Variants in NEDD4L observed in about 807,000 individuals in gnomAD.
The protein encoded by NEDD4L is E3 ubiquitin-protein ligase NEDD4-like.
In NEDD4L, 54 loss-of-function variants were observed where a neutral mutation model predicts 148.9. The ratio of observed to expected loss-of-function variants is 0.36; its 90% CI spans 0.29 to 0.45. The LOEUF is 0.45. Ranked by LOEUF, NEDD4L falls within the 20% of genes least tolerant of loss-of-function variation. The pLI, the probability that NEDD4L is intolerant of heterozygous loss-of-function variation, is 1.00. For synonymous variants in NEDD4L, 433 were observed against 440.7 expected, an observed-to-expected ratio of 0.98 and a Z score of 0.22; for missense variants, 856 against 1,233.8, an observed-to-expected ratio of 0.69 and a Z score of 4.59.
At chr18:58,311,341 A>G (rs368407125) in intron 5 of NEDD4L, among the ~76,000 whole-genome samples, 8 of 152,328 alleles carry the variant, frequency 5.3e-5, no homozygotes, top group East Asian at 3.9e-4. Flanking sequence ...ACCTTGATAC[A>G]TAGCTCCAGA....
At chr18:58,234,093 C>T (rs1457536544) in intron 2 of NEDD4L, among the ~76,000 whole-genome samples, 2 of 101,640 alleles carry the variant, frequency 2.0e-5, no homozygotes, top group African/African-American at 4.1e-5. Context: ...TTCTTTCTTT[C>T]TTTCTTTCTT....
intron 2 of NEDD4L, among the ~76,000 whole-genome samples, chr18:58,184,055 G>A (rs1358091889): frequency 6.6e-6 from 1 of 152,130 alleles, no homozygotes; most frequent in Non-Finnish European, 1.5e-5. Flanking sequence ...TGTAGTCCCA[G>A]CTACTCAGGA....
At chr18:58,372,484 T>C (rs2146315031) in intron 23 of NEDD4L, 1 of 152,304 alleles carries the variant, frequency 6.6e-6, no homozygotes, top group African/African-American at 2.4e-5. Flanking sequence ...CTTTATTTAT[T>C]TTTTATAGAG....
chr18:58,375,517 C>T (rs1411162396), intron 24 of NEDD4L, among the ~76,000 whole-genome samples: 1 of 152,168 alleles, frequency 6.6e-6, no homozygotes, highest in African/African-American at 2.4e-5. Flanking sequence ...TACCCTCTGA[C>T]ACCTCCTTCC....
intron 5 of NEDD4L, among the ~76,000 whole-genome samples, chr18:58,284,508 A>G (rs375139111): frequency 6.6e-6 from 1 of 152,314 alleles, no homozygotes; most frequent in Admixed American, 6.5e-5. Context: ...TTTGTGAGAC[A>G]AAAAGCTTTG....
chr18:58,343,180 T>C (rs946542865), intron 16 of NEDD4L, 77 bp downstream of exon 16: 7 of 1,384,830 alleles, frequency 5.1e-6, no homozygotes, highest in Non-Finnish European at 5.9e-6. Context: ...TTAGTGTTTG[T>C]AGTTCTTGCA....
intron 18 of NEDD4L, among the ~76,000 whole-genome samples, chr18:58,352,957 A>G (rs946487582): frequency 6.6e-6 from 1 of 152,208 alleles, no homozygotes; most frequent in Non-Finnish European, 1.5e-5. Flanking sequence ...AGTGAAAATC[A>G]CTGACTATTT....
At chr18:58,215,474 G>A (rs62094526) in intron 2 of NEDD4L, among the ~76,000 whole-genome samples, 4,242 of 152,122 alleles carry the variant, frequency 0.028, 94 homozygotes, top group Non-Finnish European at 0.038. Context: ...ATTTTTCATT[G>A]ATAAGAATTC....
intron 19 of NEDD4L, among the ~76,000 whole-genome samples, chr18:58,362,292 T>C (rs780558370): frequency 6.6e-6 from 1 of 151,890 alleles, no homozygotes. Context: ...TTTTCAGGAG[T>C]AGGGGGAACT....
chr18:58,233,924 A>G (rs1033120622), intron 2 of NEDD4L, among the ~76,000 whole-genome samples: 5 of 143,726 alleles, frequency 3.5e-5, no homozygotes, highest in Non-Finnish European at 7.5e-5. Context: ...TTCTCGTTGT[A>G]TCTTCACATC....
At chr18:58,072,872 G>GCGCGCACACA (rs1555682058) in intron 1 of NEDD4L, among the ~76,000 whole-genome samples, 1 of 131,558 alleles carries the variant, frequency 7.6e-6, no homozygotes, top group Non-Finnish European at 1.6e-5. Context: ...GCGCGCGCGC[G>GCGCGCACACA]CACACACACA....
intron 5 of NEDD4L, among the ~76,000 whole-genome samples, chr18:58,264,923 G>A (rs1017619630): frequency 2.6e-5 from 4 of 151,990 alleles, no homozygotes; most frequent in Admixed American, 2.0e-4. Context: ...CCTTCTTGAC[G>A]TTGGACATAT....
At chr18:58,106,285 G>C (rs1029679403) in intron 1 of NEDD4L, among the ~76,000 whole-genome samples, 24 of 152,246 alleles carry the variant, frequency 1.6e-4, no homozygotes, top group Non-Finnish European at 3.1e-4. Flanking sequence ...CTACTCTTAA[G>C]TCTTGCCCCT....
chr18:58,229,772 G>C (rs528507474), intron 2 of NEDD4L, among the ~76,000 whole-genome samples: 1 of 152,094 alleles, frequency 6.6e-6, no homozygotes, highest in African/African-American at 2.4e-5. Flanking sequence ...CGGGCGGATC[G>C]TGAGGTCAGG....
intron 5 of NEDD4L, among the ~76,000 whole-genome samples, chr18:58,267,018 T>C (rs899482225): frequency 6.6e-6 from 1 of 152,086 alleles, no homozygotes; most frequent in Non-Finnish European, 1.5e-5. Context: ...GTCTAAGGCA[T>C]TAGACTTTTT....
At chr18:58,365,800 C>T (rs375132477) in intron 20 of NEDD4L, among the ~76,000 whole-genome samples, 199 bp from the exon 21 acceptor site, 8 of 152,274 alleles carry the variant, frequency 5.3e-5, no homozygotes, top group African/African-American at 1.7e-4. Context: ...TAGTGGATGC[C>T]GTGTGTCCCA....
At chr18:58,260,047 C>G (rs1287004342) in intron 5 of NEDD4L, among the ~76,000 whole-genome samples, 1 of 152,062 alleles carries the variant, frequency 6.6e-6, no homozygotes, top group Non-Finnish European at 1.5e-5. Flanking sequence ...TATTAACCAC[C>G]CCTTTATTTT....
intron 10 of NEDD4L, among the ~76,000 whole-genome samples, chr18:58,330,104 A>G (rs533405708): frequency 6.6e-6 from 1 of 152,344 alleles, no homozygotes; most frequent in South Asian, 2.1e-4. Context: ...ATAATCTTCC[A>G]TGCTATCTTA....
At chr18:58,070,533 A>G (rs757023949) in intron 1 of NEDD4L, among the ~76,000 whole-genome samples, 12 of 152,144 alleles carry the variant, frequency 7.9e-5, no homozygotes, top group Non-Finnish European at 1.8e-4. Context: ...GACGACTTCA[A>G]AAAGCTCCAA....
Sources: allele counts gnomAD v4.1 joint callset (sites outside exome capture counted in the v4.1 genomes callset), GRCh38; gene constraint gnomAD v4.1.1; transcripts MANE v1.5; gene names NCBI Gene and HGNC (gene_info 2026-07-23, HGNC 2026-07-21).